JAK3: variants seen among roughly 807,000 people sequenced by gnomAD.
JAK3 encodes the protein tyrosine-protein kinase JAK3.
Under a neutral mutation model 120.8 loss-of-function variants are expected in JAK3, and 88 were observed. The observed-to-expected ratio is 0.73, with a 90% CI of 0.61 to 0.87. The LOEUF (loss-of-function observed/expected upper bound fraction) is 0.87. Ranked by LOEUF, JAK3 falls within the 40% of genes least tolerant of loss-of-function variation. The pLI is 0.00. For synonymous variants in JAK3, 592 were observed against 628.6 expected (o/e 0.94, Z 0.87); for missense variants, 1,254 against 1,501.4 (o/e 0.84, Z 2.72).
In JAK3 at chr19:17,832,444, C is replaced by T. The variant is rs2094216035; in HGVS notation, c.2680+75G>A. 2 of 1,478,788 alleles carry T rather than the reference C, an allele frequency of 1.4e-6. No homozygotes were observed. Among genetic ancestry groups the T allele is most frequent in the African/African-American group, 2.8e-5 (2 of 72,184 alleles). The allele number at this position is 1,478,788 out of a possible 1,614,324, so 91.6% of individuals were successfully genotyped here. A position where few individuals can be genotyped will look rare whatever the true frequency, so the allele number is the denominator to read the frequency against. ...ACGTTCCCAGCCTACCTAAAGTGGC[C>T]TGGCAGGAGGGTAAGAATGTGCACT... is the stretch of plus-strand genomic sequence containing the variant. On this transcript the variant is annotated intron_variant, in intron 19 of 23. Coordinates refer to ENST00000458235, the MANE Select transcript of JAK3 (RefSeq NM_000215.4). This position sits in a 1 kb window ranked among gnomAD's most constrained non-coding sequence, Gnocchi z 4.7.
At position 17,824,831 on chromosome 19, in the gene JAK3, T is replaced by C; in HGVS notation, c.*1912A>G. 4.9e-6 allele frequency: 1 copy of C among 203,616 alleles called. No homozygotes were observed. The highest frequency in any genetic ancestry group is 7.5e-5 in the East Asian group (1 of 13,338). 12.6% of individuals were successfully genotyped at this position (203,616 alleles called of 1,614,324 possible). A position where few individuals can be genotyped will look rare whatever the true frequency, so the allele number is the denominator to read the frequency against. ...GTCAACAAACATTTCCAGAGCCCCC[T>C]CTGTACTGAGGCCTCAGCCCAGCCC... On this transcript the variant is annotated 3_prime_UTR_variant, in exon 24 of 24. Coordinates refer to ENST00000458235, the MANE Select transcript of JAK3 (RefSeq NM_000215.4).
chr19:17,830,467 G>GAGA (rs1568400815), intron 22 of JAK3, 36 bp downstream of exon 22: 8 of 1,537,152 alleles, frequency 5.2e-6, no homozygotes, highest in Non-Finnish European at 2.7e-6. Flanking sequence ...GGCGTGGAGG[G>GAGA]AGAAGAAGGC....
At chr19:17,844,528 G>A in intron 1 of JAK3, 98 bp from the exon 2 acceptor site, 1 of 1,094,600 alleles carries the variant, frequency 9.1e-7, no homozygotes, top group African/African-American at 1.6e-5. Flanking sequence ...GCCGGGTGCG[G>A]TGGCTTATGC....
Position 17,843,464 on chromosome 19 carries a change from C to T in JAK3, c.336G>A (p.Leu112=), listed in dbSNP as rs1417287234. The T allele has an allele frequency of 6.3e-7, 1 of 1,598,822 alleles. No individual in the cohort carries two copies. Among genetic ancestry groups the T allele is most frequent in the Non-Finnish European group, 8.5e-7 (1 of 1,172,696 alleles). ...IRFYFPNWFG[L]EKCHRFGLRK... The stretch of plus-strand genomic sequence containing the variant: ...GTAGCCCGAAGCGGTGGCACTTCTC[C>T]AGCCCAAACCAATTGGGGAAGTAAA... The change falls in exon 4 of 24, where the codon CTG becomes CTA. Residue 112 remains leucine, a synonymous_variant. Coordinates refer to ENST00000458235, the MANE Select transcript of JAK3 (RefSeq NM_000215.4). This position sits in a 1 kb window ranked among gnomAD's most constrained non-coding sequence, Gnocchi z 5.4.
Position 17,843,879 on chromosome 19 carries a change from G to A in JAK3, c.206C>T (p.Ser69Phe), listed in dbSNP as rs747943549. 1 of 1,613,724 alleles carries A rather than the reference G, an allele frequency of 6.2e-7. No homozygotes were observed. Among genetic ancestry groups the A allele is most frequent in the South Asian group, 1.1e-5 (1 of 91,082 alleles). Residue 69 changes from serine to phenylalanine, a missense_variant, in exon 3 of 24, where the codon TCC (serine) becomes TTC (phenylalanine). Ser to Phe is a radical substitution (Grantham distance 155). Around this residue, in one of 3 missense-constraint regions of JAK3, gnomAD observed 138 missense variants for 178.7 expected, o/e 0.77. Transcript: ENST00000458235. This position sits in a 1 kb window ranked among gnomAD's most constrained non-coding sequence, Gnocchi z 5.4. ...GTCCTCCGTGGCCAGAGCAAAGAGGGAGTGGTACACAGGCAGGATGCCTAC... is the reference window on the plus strand; with the variant it reads ...GTCCTCCGTGGCCAGAGCAAAGAGGAAGTGGTACACAGGCAGGATGCCTAC... The part of the protein sequence containing the change: ...KASGILPVYH[S>F]LFALATEDLS...
intron 10 of JAK3, 79 bp from the exon 11 acceptor site, chr19:17,838,469 T>C: frequency 6.4e-7 from 1 of 1,556,000 alleles, no homozygotes; most frequent in East Asian, 2.2e-5. Context: ...CATGCCTTAG[T>C]TTGAGGTACC....
At chr19:17,847,706 A>C (rs73518675) in intron 1 of JAK3, among the ~76,000 whole-genome samples, 1 of 151,612 alleles carries the variant, frequency 6.6e-6, no homozygotes, top group African/African-American at 2.4e-5. Context: ...CGCATGCGCA[A>C]TGACTCCTCC....
In JAK3 at chr19:17,843,223, CTGT is replaced by C. The variant is rs2094244414; in HGVS notation, c.421-54_421-52del. The C allele has an allele frequency of 6.4e-7, 1 of 1,574,322 alleles. No homozygotes were observed. The highest frequency in any genetic ancestry group is 1.8e-5 in the Admixed American group (1 of 54,680). Reference sequence around the variant, plus strand: ...AGCTGAGGCCACCCAACTTCAAGCCCTGTTGTTAACCTGCAGACCCCCCCAATC... The same window carrying C: ...AGCTGAGGCCACCCAACTTCAAGCCCTGTTAACCTGCAGACCCCCCCAATC... On this transcript the variant is annotated intron_variant, in intron 4 of 23. Transcript: ENST00000458235. The surrounding 1 kb of genome is among the most constrained non-coding windows in gnomAD (Gnocchi z 5.4).
At chr19:17,827,247 G>A (rs2094205584) in intron 23 of JAK3, among the ~76,000 whole-genome samples, 1 of 152,016 alleles carries the variant, frequency 6.6e-6, no homozygotes, top group African/African-American at 2.4e-5. Context: ...CCAAAGTGCT[G>A]GGATTATAGG....
chr19:17,843,998 C>T lies in JAK3; in HGVS notation c.185-98G>A, dbSNP rs1046948986. 3.3e-5 allele frequency: 48 copies of T among 1,475,068 alleles called. No individual in the cohort carries two copies. The Admixed American group carries it at 8.9e-4, about 27-fold the overall frequency. The allele number at this position is 1,475,068 out of a possible 1,614,324, so 91.4% of individuals were successfully genotyped here. ...CCCAACCGTCCAGATCCTTCCATAC[C>T]TCAAGGTATGACCAGCTGTTCCCTT... On this transcript the variant is annotated intron_variant, in intron 2 of 23. Transcript: ENST00000458235. The surrounding 1 kb of genome is among the most constrained non-coding windows in gnomAD (Gnocchi z 5.4).
chr19:17,831,338 G>A lies in JAK3; in HGVS notation c.2868C>T (p.Leu956=), dbSNP rs769113856. ...TCTTGACGTGTGCCTCGCTCTCCACGAGGATGTTTCGGGCGGCCAGGTCGC... is the reference window on the plus strand; with the variant it reads ...TCTTGACGTGTGCCTCGCTCTCCACAAGGATGTTTCGGGCGGCCAGGTCGC... The part of the protein sequence containing the change: ...VHRDLAARNI[L]VESEAHVKIA... The change falls in exon 21 of 24, where the codon CTC becomes CTT. Residue 956 remains leucine, a synonymous_variant. Transcript: ENST00000458235. The surrounding 1 kb of genome is among the most constrained non-coding windows in gnomAD (Gnocchi z 5.1). 3 of 1,611,590 alleles carry A rather than the reference G, an allele frequency of 1.9e-6. No homozygotes were observed. The highest frequency in any genetic ancestry group is 1.7e-6 in the Non-Finnish European group (2 of 1,179,836).
At chr19:17,828,592 T>C (rs551713865) in intron 23 of JAK3, among the ~76,000 whole-genome samples, 8 of 151,970 alleles carry the variant, frequency 5.3e-5, no homozygotes, top group African/African-American at 1.9e-4. Flanking sequence ...TCTCACTACG[T>C]TGCCCAGGCT....
chr19:17,830,294 G>C (rs1354239019), intron 22 of JAK3, 76 bp from the exon 23 acceptor site: 4 of 1,205,976 alleles, frequency 3.3e-6, no homozygotes, highest in Admixed American at 2.0e-5. Flanking sequence ...CCGTGGTGGG[G>C]GTAGGGGCCA....
rs1250351209 is a variant in JAK3 at position 17,832,977 on chromosome 19, C to T, written c.2351-48G>A. The T allele has an allele frequency of 6.3e-7, 1 of 1,583,180 alleles. No homozygotes were observed. Among genetic ancestry groups the T allele is most frequent in the East Asian group, 2.3e-5 (1 of 43,302 alleles). On this transcript the variant is annotated intron_variant, in intron 17 of 23. Transcript: ENST00000458235. The surrounding 1 kb of genome is among the most constrained non-coding windows in gnomAD (Gnocchi z 4.7). ...GGTAAGCAGCGCCTCTCATCCTGGG[C>T]CCCACTCCTGAGTTGACTTGCTGTG...
intron 12 of JAK3, 47 bp from the exon 13 acceptor site, chr19:17,837,260 C>T (rs199985616): frequency 2.1e-6 from 3 of 1,453,126 alleles, no homozygotes; most frequent in Non-Finnish European, 1.9e-6. Flanking sequence ...TTCTTCCACT[C>T]CAATAATCCC....
rs138088178 is a variant in JAK3, at chr19:17,831,992, C to T, written c.2681-194G>A. Reference sequence around the variant, plus strand: ...CATACATTGATGTGTTTATATATCACGGCCAGGTGCAGTGGCTCACGCCTG... The same window carrying T: ...CATACATTGATGTGTTTATATATCATGGCCAGGTGCAGTGGCTCACGCCTG... On this transcript the variant is annotated intron_variant, in intron 19 of 23. Coordinates refer to ENST00000458235, the MANE Select transcript of JAK3 (RefSeq NM_000215.4). The surrounding 1 kb of genome is among the most constrained non-coding windows in gnomAD (Gnocchi z 5.1). 6.6e-6 allele frequency among the ~76,000 whole-genome samples: 1 copy of T among 152,318 alleles called. No individual in the cohort carries two copies. The highest frequency in any genetic ancestry group is 1.9e-4 in the East Asian group (1 of 5,186).
chr19:17,838,413 A>C (rs775290974), intron 10 of JAK3, 23 bp from the exon 11 acceptor site: 5 of 1,614,034 alleles, frequency 3.1e-6, no homozygotes, highest in African/African-American at 1.3e-5. Flanking sequence ...GATGAGGGAG[A>C]AAAACCAGAA....
At chr19:17,830,376 TG>T (rs2147674292) in intron 22 of JAK3, 126 bp downstream of exon 22, 2 of 926,628 alleles carry the variant, frequency 2.2e-6, no homozygotes, top group Non-Finnish European at 1.7e-6. Context: ...TCCTCCCCAC[TG>T]GGGCCTATGA....
In JAK3 at chr19:17,842,586, G is replaced by A; in HGVS notation, c.591C>T (p.Ser197=). 1 of 1,583,228 alleles carries A rather than the reference G, an allele frequency of 6.3e-7. No individual in the cohort carries two copies. The highest frequency in any genetic ancestry group is 8.6e-7 in the Non-Finnish European group (1 of 1,163,908). ...TCAGGCCCTGGATCAGGTCGCGCAG[G>A]CTTGGGGGTAGGCAGGCCTTGTAGC... ...TVSYKACLPP[S]LRDLIQGLSF... Residue 197 remains serine, a synonymous_variant, in exon 6 of 24, where the codon AGC becomes AGT. Coordinates refer to ENST00000458235, the MANE Select transcript of JAK3 (RefSeq NM_000215.4). This position sits in a 1 kb window ranked among gnomAD's most constrained non-coding sequence, Gnocchi z 6.4.
Sources: gnomAD v4.1 joint callset for allele counts (sites outside exome capture counted in the v4.1 genomes callset) on GRCh38, gnomAD v4.1.1 for gene constraint, gnomAD v4.1.1 regional missense constraint, Gnocchi (gnomAD v3.1) non-coding constraint, MANE v1.5 for transcripts, NCBI Gene and HGNC (gene_info 2026-07-23, HGNC 2026-07-21) for gene names.